The following LARP1 variants were observed in gnomAD, a reference collection of about 807,000 sequenced individuals.
LARP1 encodes the protein la-related protein 1.
In LARP1, 36 loss-of-function variants were observed where a neutral mutation model predicts 122.7. The ratio of observed to expected loss-of-function variants is 0.29; its 90% CI spans 0.22 to 0.39. LARP1 has a LOEUF of 0.39. Ranked by LOEUF, LARP1 falls within the 10% of genes least tolerant of loss-of-function variation. The pLI is 1.00. For synonymous variants in LARP1, 539 were observed against 528.7 expected (o/e 1.02, Z -0.27); for missense variants, 1,040 against 1,403.6 (o/e 0.74, Z 4.14).
At chr5:154,736,296 A>G (rs950179221) in intron 1 of LARP1, among the ~76,000 whole-genome samples, 3 of 151,640 alleles carry the variant, frequency 2.0e-5, no homozygotes, top group African/African-American at 7.3e-5. Context: ...GGGTTTCACT[A>G]TGTTGGCCAG....
intron 1 of LARP1, among the ~76,000 whole-genome samples, chr5:154,721,815 T>C (rs1582204462): frequency 1.3e-5 from 2 of 152,324 alleles, no homozygotes; most frequent in South Asian, 4.1e-4. Context: ...AATGTATTTG[T>C]CTCCACGGCC....
chr5:154,792,599 T>G (rs369437511), intron 3 of LARP1, 23 bp from the exon 4 acceptor site: 2 of 1,611,776 alleles, frequency 1.2e-6, no homozygotes. Flanking sequence ...CTCACCTCAC[T>G]GTTACTTTAC....
At chr5:154,766,921 G>A (rs909095601) in intron 1 of LARP1, among the ~76,000 whole-genome samples, 1 of 152,142 alleles carries the variant, frequency 6.6e-6, no homozygotes, top group African/African-American at 2.4e-5. Context: ...GAACTGGAAG[G>A]GACTCAGAGG....
At chr5:154,735,017 G>A (rs1756795995) in intron 1 of LARP1, among the ~76,000 whole-genome samples, 1 of 152,026 alleles carries the variant, frequency 6.6e-6, no homozygotes, top group Non-Finnish European at 1.5e-5. Flanking sequence ...CCTTTTTAAA[G>A]CTGAATAATA....
chr5:154,742,158 C>A (rs1752919330), intron 1 of LARP1, among the ~76,000 whole-genome samples: 1 of 152,182 alleles, frequency 6.6e-6, no homozygotes, highest in African/African-American at 2.4e-5. Context: ...CTGTGATCAT[C>A]CTTTTTTCCA....
In LARP1 at chr5:154,746,124, C is replaced by A. The variant is rs76943248; in HGVS notation, c.205+32994C>A. 4.6e-5 allele frequency among the ~76,000 whole-genome samples: 7 copies of A among 152,270 alleles called. No individual in the cohort carries two copies. In the East Asian group the frequency reaches 1.4e-3, roughly 29 times the overall value. On this transcript the variant is annotated intron_variant, in intron 1 of 18. Transcript: ENST00000336314. ...AAACCCAACTCTTTTGACATCAAACCCTTTCCCCTTTTTTCTGTGCCATGT... is the reference window on the plus strand; with the variant it reads ...AAACCCAACTCTTTTGACATCAAACACTTTCCCCTTTTTTCTGTGCCATGT...
intron 1 of LARP1, among the ~76,000 whole-genome samples, chr5:154,784,812 G>T (rs892904930): frequency 6.6e-6 from 1 of 152,202 alleles, no homozygotes; most frequent in African/African-American, 2.4e-5. Flanking sequence ...CCTCTGGGTA[G>T]TTTTTGTTTC....
chr5:154,776,540 GA>G (rs1028681120), intron 1 of LARP1, among the ~76,000 whole-genome samples: 5 of 152,236 alleles, frequency 3.3e-5, no homozygotes, highest in African/African-American at 1.2e-4. Context: ...GGGGTTTGGA[GA>G]CCTGGGTTCC....
At chr5:154,813,348 G>GT (rs1189071787) in intron 18 of LARP1, among the ~76,000 whole-genome samples, 2 of 152,182 alleles carry the variant, frequency 1.3e-5, no homozygotes, top group Non-Finnish European at 2.9e-5. Context: ...TAAGACCTTT[G>GT]TTAGTGGTAA....
intron 1 of LARP1, among the ~76,000 whole-genome samples, chr5:154,704,730 T>C (rs571316781): frequency 1.3e-5 from 2 of 151,418 alleles, no homozygotes; most frequent in South Asian, 4.2e-4. Flanking sequence ...GAGAAACTAT[T>C]TGTAAACTAT....
Position 154,803,762 on chromosome 5 carries a change from G to A in LARP1, c.2439+17G>A, listed in dbSNP as rs769363669. 4.3e-6 allele frequency: 7 copies of A among 1,611,318 alleles called. No individual in the cohort carries two copies. The highest frequency in any genetic ancestry group is 1.7e-4 in the Middle Eastern group (1 of 6,056). On this transcript the variant is annotated intron_variant, in intron 13 of 18. Transcript: ENST00000518297. The surrounding 1 kb of genome is among the most constrained non-coding windows in gnomAD (Gnocchi z 4.4). ...GATGCCAAGGTGAGGCATTCCTGTC[G>A]GGCTGCTCAGAGTCTTGGGTCTACT...
intron 1 of LARP1, among the ~76,000 whole-genome samples, chr5:154,684,770 TC>T (rs1233194020): frequency 1.3e-5 from 2 of 152,024 alleles, no homozygotes; most frequent in African/African-American, 2.4e-5. Flanking sequence ...AAATAATACT[TC>T]CTTAGGAGCA....
intron 1 of LARP1, among the ~76,000 whole-genome samples, chr5:154,769,369 G>T (rs575071623): frequency 6.6e-6 from 1 of 152,312 alleles, no homozygotes; most frequent in African/African-American, 2.4e-5. Flanking sequence ...TATGGGCCCA[G>T]ACTTTGTGTA....
At chr5:154,720,180 G>T (rs1384101074) in intron 1 of LARP1, among the ~76,000 whole-genome samples, 2 of 150,998 alleles carry the variant, frequency 1.3e-5, no homozygotes, top group Non-Finnish European at 3.0e-5. Context: ...AACAGAGCGA[G>T]ACTCTGTCTC....
upstream of LARP1, among the ~76,000 whole-genome samples, chr5:154,753,154 G>C (rs996664762): frequency 1.3e-5 from 2 of 152,244 alleles, no homozygotes; most frequent in South Asian, 4.2e-4. Flanking sequence ...GAGTTCTCAG[G>C]GGTCAGGGGA....
At chr5:154,720,024 T>C (rs1755761857) in intron 1 of LARP1, among the ~76,000 whole-genome samples, 1 of 151,650 alleles carries the variant, frequency 6.6e-6, no homozygotes, top group Admixed American at 6.6e-5. Flanking sequence ...AAACCCCGTC[T>C]CTACTAAAAT....
chr5:154,804,120 C>A, intron 13 of LARP1, 81 bp from the exon 14 acceptor site: 1 of 962,324 alleles, frequency 1.0e-6, no homozygotes, highest in Non-Finnish European at 1.7e-6. Context: ...AGATCATGCC[C>A]ATCTTAGTCC....
chr5:154,699,057 G>A (rs1228922011), intron 1 of LARP1, among the ~76,000 whole-genome samples: 1 of 152,168 alleles, frequency 6.6e-6, no homozygotes, highest in Non-Finnish European at 1.5e-5. Context: ...GTTCTGCCTG[G>A]AAAAGGGCCC....
rs138400732 is a variant in LARP1, at chr5:154,742,666, G to A, written c.205+29536G>A. Among the ~76,000 whole-genome samples the A allele has an allele frequency of 9.0e-3, 1,365 of 150,916 alleles. 9 individuals are homozygous for A. Among genetic ancestry groups the A allele is most frequent in the Non-Finnish European group, 0.012 (823 of 67,832 alleles). On this transcript the variant is annotated intron_variant, in intron 1 of 18. Coordinates refer to the LARP1 transcript ENST00000336314. ...AATTGCTTGAGTCAAGGAAGTTGAG[G>A]CTACAGTGAGCCATGATCATGCCAC...
Sources: allele counts gnomAD v4.1 joint callset (sites outside exome capture counted in the v4.1 genomes callset), GRCh38; gene constraint gnomAD v4.1.1; non-coding constraint Gnocchi (gnomAD v3.1); transcripts MANE v1.5; gene names NCBI Gene and HGNC (gene_info 2026-07-23, HGNC 2026-07-21).